Variants in TRPC4AP observed in about 807,000 individuals in gnomAD.
The protein encoded by TRPC4AP is short transient receptor potential channel 4-associated protein.
Under a neutral mutation model 99.0 loss-of-function variants are expected in TRPC4AP, and 45 were observed. The ratio of observed to expected loss-of-function variants is 0.45; its 90% CI spans 0.36 to 0.58. The LOEUF (loss-of-function observed/expected upper bound fraction) is 0.58, where lower values mean the gene tolerates loss of function less well. Ranked by LOEUF, TRPC4AP falls within the 20% of genes least tolerant of loss-of-function variation. The pLI is 0.00. For synonymous variants in TRPC4AP, 408 were observed against 385.8 expected, an observed-to-expected ratio of 1.06 and a Z score of -0.67; for missense variants, 879 against 985.3, an observed-to-expected ratio of 0.89 and a Z score of 1.44.
chr20:35,078,163 A>G lies in TRPC4AP; in HGVS notation c.180T>C (p.Thr60=), dbSNP rs200930585. Residue 60 remains threonine, a synonymous_variant, in exon 2 of 19, where the codon ACT becomes ACC. Coordinates refer to ENST00000252015, the MANE Select transcript of TRPC4AP (RefSeq NM_015638.3). ...GLVRAVQFTE[T]FLTERDKQSK... ...ATTGTTTGTCCCTCTCCGTCAAAAA[A>G]GTCTCAGTGAACTGTGAGTCAAAAA... The G allele has an allele frequency of 6.2e-7, 1 of 1,613,590 alleles. No individual in the cohort carries two copies. Among genetic ancestry groups the G allele is most frequent in the East Asian group, 2.2e-5 (1 of 44,868 alleles).
intron 10 of TRPC4AP, among the ~76,000 whole-genome samples, chr20:35,013,398 G>A (rs1233725935): frequency 6.6e-6 from 1 of 152,128 alleles, no homozygotes; most frequent in East Asian, 1.9e-4. Context: ...TGGGCAACAT[G>A]GCAAACCCTG....
intron 2 of TRPC4AP, among the ~76,000 whole-genome samples, chr20:35,073,367 G>A (rs2084376649): frequency 6.6e-6 from 1 of 152,146 alleles, no homozygotes; most frequent in African/African-American, 2.4e-5. Context: ...GTTTTCAAAG[G>A]GAATGCTTCC....
intron 2 of TRPC4AP, among the ~76,000 whole-genome samples, chr20:35,070,438 T>C (rs1421252993): frequency 6.7e-6 from 1 of 150,304 alleles, no homozygotes; most frequent in Non-Finnish European, 1.5e-5. Context: ...TGAGAGGGAG[T>C]CTCGCTCTGC....
intron 3 of TRPC4AP, among the ~76,000 whole-genome samples, chr20:35,059,970 C>G (rs2083953645): frequency 6.6e-6 from 1 of 151,748 alleles, no homozygotes; most frequent in Non-Finnish European, 1.5e-5. Flanking sequence ...CTGAACAGCC[C>G]TATAACAAGT....
chr20:35,077,573 T>C (rs1164754230), intron 2 of TRPC4AP, among the ~76,000 whole-genome samples: 2 of 152,218 alleles, frequency 1.3e-5, no homozygotes, highest in Admixed American at 6.5e-5. Flanking sequence ...CACTCCAGTT[T>C]GAGAACAATT....
At chr20:35,065,269 G>A (rs1395753378) in intron 3 of TRPC4AP, among the ~76,000 whole-genome samples, 1 of 152,202 alleles carries the variant, frequency 6.6e-6, no homozygotes, top group Admixed American at 6.5e-5. Flanking sequence ...CTCAATGGGA[G>A]AGGAAGAGTC....
chr20:35,009,650 C>A (rs1245342963), intron 12 of TRPC4AP, among the ~76,000 whole-genome samples: 1 of 152,150 alleles, frequency 6.6e-6, no homozygotes, highest in Non-Finnish European at 1.5e-5. Context: ...GTCTAAAAAA[C>A]AAAACAAAAC....
At chr20:35,044,460 C>T (rs1444678181) in intron 7 of TRPC4AP, 45 bp downstream of exon 7, 1 of 1,546,882 alleles carries the variant, frequency 6.5e-7, no homozygotes, top group African/African-American at 1.4e-5. Context: ...TTAGTAAGGG[C>T]CTCAGAGCTA....
chr20:35,024,748 A>G (rs972134732), intron 8 of TRPC4AP, among the ~76,000 whole-genome samples: 11 of 143,078 alleles, frequency 7.7e-5, no homozygotes, highest in African/African-American at 2.9e-4. Context: ...AGGATGGCTG[A>G]GCCTGGGAGG....
intron 5 of TRPC4AP, among the ~76,000 whole-genome samples, chr20:35,052,350 TATCA>T (rs2083725070): frequency 1.3e-5 from 2 of 152,106 alleles, no homozygotes; most frequent in African/African-American, 4.8e-5. Context: ...TGCCTCGGCC[TATCA>T]AAGTGTTGAG....
chr20:35,077,766 T>C (rs186979643), intron 2 of TRPC4AP, among the ~76,000 whole-genome samples: 56 of 152,274 alleles, frequency 3.7e-4, no homozygotes, highest in African/African-American at 1.1e-3. Flanking sequence ...CAGGATAGTG[T>C]TGACCTCCCA....
chr20:35,013,054 T>G lies in TRPC4AP; in HGVS notation c.1363A>C (p.Lys455Gln). The G allele has an allele frequency of 6.2e-7, 1 of 1,614,106 alleles. No individual in the cohort carries two copies. Among genetic ancestry groups the G allele is most frequent in the Non-Finnish European group, 8.5e-7 (1 of 1,180,018 alleles). Residue 455 changes from lysine (K) to glutamine (Q), a missense_variant, in exon 11 of 19, where the codon AAG (lysine) becomes CAG (glutamine). By Grantham distance (53) the Lys-to-Gln change is moderately conservative (BLOSUM62 1). Transcript: ENST00000252015. ...NCDCSPDITL[K>Q]IQFLRLLQSF... ...TGAAGAAGCCTCAAAAACTGTATCT[T>G]CAAGGTGATGTCCTGAAACACATGC...
intron 6 of TRPC4AP, among the ~76,000 whole-genome samples, chr20:35,048,211 TG>T (rs66539354): frequency 0.7 from 95,072 of 135,686 alleles, 33,731 homozygotes; most frequent in Middle Eastern, 0.8. Flanking sequence ...GTAAGAATTC[TG>T]TTTTTTTTTT....
intron 4 of TRPC4AP, among the ~76,000 whole-genome samples, chr20:35,056,422 T>C (rs867656248): frequency 6.6e-6 from 1 of 152,110 alleles, no homozygotes; most frequent in South Asian, 2.1e-4. Flanking sequence ...AATTACAATA[T>C]GCTACTTGCT....
At chr20:35,018,087 A>G (rs1189086768) in intron 9 of TRPC4AP, among the ~76,000 whole-genome samples, 1 of 152,162 alleles carries the variant, frequency 6.6e-6, no homozygotes, top group African/African-American at 2.4e-5. Flanking sequence ...CACAGCTATA[A>G]AATGTTCCAA....
In TRPC4AP at chr20:35,003,488, G is replaced by A. The variant is rs151041246; in HGVS notation, c.2178C>T (p.Leu726=). ...AGCGCAGCAGGTTGTGGAAGTTGTT[G>A]AGCAGGAAGCCGGGGTACTTCTTGC... ...EHSKKYPGFL[L]NNFHNLLRFW... Residue 726 remains leucine, a synonymous_variant, in exon 18 of 19, where the codon CTC becomes CTT. Transcript: ENST00000252015. The A allele has an allele frequency of 6.2e-7, 1 of 1,614,114 alleles. No individual in the cohort carries two copies. Among genetic ancestry groups the A allele is most frequent in the Non-Finnish European group, 8.5e-7 (1 of 1,180,032 alleles).
chr20:35,035,273 G>A lies in TRPC4AP; in HGVS notation c.901C>T (p.Leu301Phe). The stretch of plus-strand genomic sequence containing the variant: ...ACCTTTCGAGTCGCCAGTTTGCAAA[G>A]CCGCTCAACAAAGCCAGGAATGCTG... ...LLSIPGFVER[L>F]CKLATRKVSE... The change falls in exon 8 of 19, where the codon CTT becomes TTT. Residue 301 changes from leucine to phenylalanine, a missense_variant. Physicochemically the swap from Leu to Phe is conservative, Grantham distance 22 (BLOSUM62 0). Transcript: ENST00000252015. 1 of 1,614,064 alleles carries A rather than the reference G, an allele frequency of 6.2e-7. No homozygotes were observed. The highest frequency in any genetic ancestry group is 8.5e-7 in the Non-Finnish European group (1 of 1,179,996).
intron 3 of TRPC4AP, among the ~76,000 whole-genome samples, chr20:35,057,776 C>T (rs1047288181): frequency 6.6e-6 from 1 of 152,150 alleles, no homozygotes; most frequent in African/African-American, 2.4e-5. Context: ...CACCTACTTG[C>T]CCTTCTCTGG....
intron 8 of TRPC4AP, among the ~76,000 whole-genome samples, chr20:35,029,628 C>CTTTTTTT (rs35372826): frequency 5.6e-4 from 22 of 39,398 alleles, no homozygotes; most frequent in South Asian, 1.3e-3. Flanking sequence ...AAGTTACTTT[C>CTTTTTTT]TTTTTTTTTT....
Sources: gnomAD v4.1 joint callset for allele counts (sites outside exome capture counted in the v4.1 genomes callset) on GRCh38, gnomAD v4.1.1 for gene constraint, MANE v1.5 for transcripts, NCBI Gene and HGNC (gene_info 2026-07-23, HGNC 2026-07-21) for gene names.